The following DLEC1 variants were observed in gnomAD, a reference collection of about 807,000 sequenced individuals.
The protein encoded by DLEC1 is DLEC1 cilia and flagella associated protein, also known as deleted in lung and esophageal cancer protein 1.
A neutral mutation model predicts 198.1 loss-of-function variants in DLEC1; 146 were observed. That is an observed-to-expected ratio of 0.74 (90% CI 0.64 to 0.85). The LOEUF (loss-of-function observed/expected upper bound fraction) is 0.85, where lower values mean the gene tolerates loss of function less well. Among genes scored for constraint, DLEC1 ranks in the 40% least tolerant of loss-of-function variants. The pLI, the probability that DLEC1 is intolerant of heterozygous loss-of-function variation, is 0.00. For missense variants in DLEC1, 2,233 were observed against 2,220.0 expected (o/e 1.01, Z -0.12); for synonymous variants, 897 against 866.8 (o/e 1.03, Z -0.61).
Position 38,109,399 on chromosome 3 carries a change from C to G in DLEC1, c.3130-33C>G, listed in dbSNP as rs1327459779. On this transcript the variant is annotated intron_variant, in intron 21 of 36. Transcript: ENST00000308059. Reference sequence around the variant, plus strand: ...TGGGCTCATCTTCAGAGGCCCCAGGCCTGGTCTGACCCCTGGATGGGCTTT... The same window carrying G: ...TGGGCTCATCTTCAGAGGCCCCAGGGCTGGTCTGACCCCTGGATGGGCTTT... The G allele has an allele frequency of 2.5e-6, 4 of 1,613,430 alleles. No homozygotes were observed. In the South Asian group the frequency reaches 4.4e-5, roughly 18 times the overall value.
Position 38,117,104 on chromosome 3 carries a change from A to C in DLEC1, c.4305+4A>C. ...TTTCATGAGCTTGGACAGCAAGGTGAGCTCTTCCGGCCTGGGGTGGGGGCC... is the reference window on the plus strand; with the variant it reads ...TTTCATGAGCTTGGACAGCAAGGTGCGCTCTTCCGGCCTGGGGTGGGGGCC... On this transcript the variant is annotated splice_donor_region_variant and intron_variant, in intron 30 of 36. Transcript: ENST00000308059. 6.2e-7 allele frequency: 1 copy of C among 1,613,960 alleles called. No individual in the cohort carries two copies.
intron 6 of DLEC1, among the ~76,000 whole-genome samples, chr3:38,072,806 G>A (rs953519121): frequency 5.9e-5 from 9 of 152,186 alleles, no homozygotes; most frequent in Non-Finnish European, 1.3e-4. Flanking sequence ...TTATGCCGAG[G>A]TAGGTAATGG....
chr3:38,097,976 C>G (rs892597379), intron 18 of DLEC1, 74 bp downstream of exon 18: 96 of 1,588,702 alleles, frequency 6.0e-5, no homozygotes, highest in Non-Finnish European at 8.1e-5. Context: ...GAAACTTGCC[C>G]TGGTGTGTTT....
intron 2 of DLEC1, among the ~76,000 whole-genome samples, 197 bp from the exon 3 acceptor site, chr3:38,059,545 G>A (rs1282374510): frequency 6.6e-6 from 1 of 152,214 alleles, no homozygotes. Context: ...ATACAACACA[G>A]CTTTGCCCAA....
At position 38,084,232 on chromosome 3, in the gene DLEC1, C is replaced by T. The variant is rs552051755; in HGVS notation, c.1248C>T (p.Phe416=). ...LRVLPPSTPY[F]ALGLGMFPGK... The stretch of plus-strand genomic sequence containing the variant: ...TCCTCCCGCCTTCCACGCCATACTT[C>T]GCTCTGGGACTGGGTAAGTTCAGTA... Residue 416 remains phenylalanine, a synonymous_variant, in exon 7 of 37, where the codon TTC becomes TTT. Coordinates refer to ENST00000308059, the MANE Select transcript of DLEC1 (RefSeq NM_007335.4). 4.0e-5 allele frequency: 64 copies of T among 1,612,388 alleles called. No individual in the cohort carries two copies. The highest frequency in any genetic ancestry group is 3.3e-4 in the Middle Eastern group (2 of 6,040).
chr3:38,088,171 G>T (rs775378377), intron 9 of DLEC1, 125 bp from the exon 10 acceptor site: 3 of 798,742 alleles, frequency 3.8e-6, no homozygotes, highest in South Asian at 1.7e-5. Context: ...TCATTACCAT[G>T]TGACTGGATG....
chr3:38,054,997 C>T (rs1696282747), intron 2 of DLEC1, among the ~76,000 whole-genome samples: 1 of 152,124 alleles, frequency 6.6e-6, no homozygotes, highest in Non-Finnish European at 1.5e-5. Flanking sequence ...AATGACCTGG[C>T]AGACTGGAGA....
rs1037212627 is a variant in DLEC1 at position 38,096,049 on chromosome 3, G to C, written c.2171+103G>C. On this transcript the variant is annotated intron_variant, in intron 14 of 36. Transcript: ENST00000308059. ...TCAGGTGAGGGGGAGTGGGCAGCCT[G>C]GTCCCCGCAGGCTTTGGGGAGTGAG... 6.1e-5 allele frequency: 84 copies of C among 1,385,880 alleles called. 1 individual carries two copies. In the Middle Eastern group the frequency reaches 1.8e-3, roughly 29 times the overall value. The allele number at this position is 1,385,880 out of a possible 1,614,324, so 85.8% of individuals were successfully genotyped here.
intron 10 of DLEC1, among the ~76,000 whole-genome samples, chr3:38,089,544 T>C (rs1575181226): frequency 6.6e-6 from 1 of 152,336 alleles, no homozygotes; most frequent in Middle Eastern, 3.4e-3. Context: ...AGGGGCTTTG[T>C]CAGGCCTCAT....
intron 2 of DLEC1, chr3:38,052,069 C>T (rs1413397640): frequency 3.7e-6 from 1 of 269,844 alleles, no homozygotes; most frequent in African/African-American, 2.2e-5. Flanking sequence ...ATGTGCTTGT[C>T]TACAGTAGTA....
chr3:38,107,823 C>A lies in DLEC1; in HGVS notation c.3018+86C>A, dbSNP rs928799570. 2.7e-6 allele frequency: 4 copies of A among 1,456,342 alleles called. No homozygotes were observed. In the African/African-American group the frequency reaches 5.6e-5, roughly 20 times the overall value. The allele number at this position is 1,456,342 out of a possible 1,614,324, so 90.2% of individuals were successfully genotyped here. ...GAGGGGGGCATTGTCCCCCAAATAT[C>A]CTCACAGAACAGAGATACTCAGCCT... On this transcript the variant is annotated intron_variant, in intron 20 of 36. Transcript: ENST00000308059.
intron 19 of DLEC1, 30 bp from the exon 20 acceptor site, chr3:38,107,554 C>T: frequency 6.4e-7 from 1 of 1,552,882 alleles, no homozygotes; most frequent in Non-Finnish European, 8.7e-7. Flanking sequence ...CTTTTCTAAT[C>T]AGTATGCCTT....
Position 38,122,699 on chromosome 3 carries a change from A to AG in DLEC1, c.*287_*288insG. On this transcript the variant is annotated 3_prime_UTR_variant, in exon 37 of 37. Coordinates refer to ENST00000308059, the MANE Select transcript of DLEC1 (RefSeq NM_007335.4). Reference sequence around the variant, plus strand: ...ATGGCAAAATTAGTCTTGGAAAAAAACCACAGCCACTAAGATAAATTCATG... The same window carrying AG: ...ATGGCAAAATTAGTCTTGGAAAAAAAGCCACAGCCACTAAGATAAATTCATG... The AG allele has an allele frequency of 7.2e-7, 1 of 1,394,636 alleles. No individual in the cohort carries two copies. The highest frequency in any genetic ancestry group is 9.3e-7 in the Non-Finnish European group (1 of 1,069,562). The allele number at this position is 1,394,636 out of a possible 1,614,324, so 86.4% of individuals were successfully genotyped here.
At chr3:38,118,094 AC>A in intron 33 of DLEC1, 70 bp downstream of exon 33, 1 of 1,505,234 alleles carries the variant, frequency 6.6e-7, no homozygotes, top group Non-Finnish European at 9.0e-7. Flanking sequence ...GCACCCCTGC[AC>A]GCCACCCTCA....
chr3:38,084,530 AGTG>A (rs1698307699), intron 7 of DLEC1, among the ~76,000 whole-genome samples: 6 of 85,430 alleles, frequency 7.0e-5, no homozygotes, highest in South Asian at 6.6e-4. Flanking sequence ...TAGTAGTAGT[AGTG>A]GTGGTGGTAG....
At chr3:38,088,085 C>T (rs560526008) in intron 9 of DLEC1, among the ~76,000 whole-genome samples, 1 of 152,340 alleles carries the variant, frequency 6.6e-6, no homozygotes, top group South Asian at 2.1e-4. Context: ...ACTTACTCTC[C>T]TTAACCTTCA....
At chr3:38,057,572 G>A (rs573728585) in intron 2 of DLEC1, among the ~76,000 whole-genome samples, 21 of 152,258 alleles carry the variant, frequency 1.4e-4, no homozygotes, top group African/African-American at 5.1e-4. Context: ...AAATTCAGGC[G>A]GAACACATAC....
At chr3:38,116,207 T>G (rs941335216) in intron 27 of DLEC1, among the ~76,000 whole-genome samples, 7 of 152,134 alleles carry the variant, frequency 4.6e-5, no homozygotes, top group African/African-American at 1.7e-4. Flanking sequence ...CATCTGGACA[T>G]GGAGACCTGG....
chr3:38,083,312 G>C (rs1349861850), intron 6 of DLEC1, among the ~76,000 whole-genome samples: 2 of 151,366 alleles, frequency 1.3e-5, no homozygotes, highest in African/African-American at 4.9e-5. Context: ...TGTTTTATAA[G>C]ATTTGGGTGG....
Sources: gnomAD v4.1 joint callset for allele counts (sites outside exome capture counted in the v4.1 genomes callset) on GRCh38, gnomAD v4.1.1 for gene constraint, MANE v1.5 for transcripts, NCBI Gene and HGNC (gene_info 2026-07-23, HGNC 2026-07-21) for gene names.